PHACTR4: variants seen among roughly 807,000 people sequenced by gnomAD.
PHACTR4 encodes the protein protein phosphatase 1, regulatory subunit 124.
In PHACTR4, 51 loss-of-function variants were observed where a neutral mutation model predicts 72.7. That is an observed-to-expected ratio of 0.70 (90% CI 0.56 to 0.89). The LOEUF (loss-of-function observed/expected upper bound fraction) is 0.89, where lower values mean the gene tolerates loss of function less well. Ranked by LOEUF, PHACTR4 falls within the 40% of genes least tolerant of loss-of-function variation. The pLI is 0.00. For synonymous variants in PHACTR4, 255 were observed against 302.5 expected (o/e 0.84, Z 1.63); for missense variants, 731 against 861.8 (o/e 0.85, Z 1.90).
At chr1:28,394,275 G>T (rs1653301000) in intron 1 of PHACTR4, among the ~76,000 whole-genome samples, 1 of 150,402 alleles carries the variant, frequency 6.6e-6, no homozygotes, top group Admixed American at 6.7e-5. Context: ...AAAGAAAGAG[G>T]GACGGAGGGA....
chr1:28,402,152 AAACTT>A (rs1311667501), intron 1 of PHACTR4, among the ~76,000 whole-genome samples: 1 of 152,192 alleles, frequency 6.6e-6, no homozygotes, highest in Non-Finnish European at 1.5e-5. Context: ...AACAACTAGA[AAACTT>A]AAGCTGCCAT....
Position 28,496,731 on chromosome 1 carries a change from G to A in PHACTR4, c.*182G>A, listed in dbSNP as rs1458978340. The A allele has an allele frequency of 2.9e-6, 2 of 682,952 alleles. No homozygotes were observed. Among genetic ancestry groups the A allele is most frequent in the African/African-American group, 1.8e-5 (1 of 55,662 alleles). The allele number at this position is 682,952 out of a possible 1,614,324, so 42.3% of individuals were successfully genotyped here. ...AACAGAGTCTTATGTGCTGCACCGG[G>A]GGCAAAACAACACTTTGTCAGTGCT... On this transcript the variant is annotated 3_prime_UTR_variant, in exon 14 of 14. Transcript: ENST00000373839.
At chr1:28,459,395 CTTTTTTTTTTT>C (rs367934288) in intron 3 of PHACTR4, 137 bp downstream of exon 3, 2 of 280,804 alleles carry the variant, frequency 7.1e-6, no homozygotes, top group African/African-American at 6.3e-5. Flanking sequence ...TTTCCTTCTT[CTTTTTTTTTTT>C]TTTTTTTTTT....
At chr1:28,405,573 C>T (rs1463262795) in intron 1 of PHACTR4, among the ~76,000 whole-genome samples, 1 of 151,980 alleles carries the variant, frequency 6.6e-6, no homozygotes, top group African/African-American at 2.4e-5. Flanking sequence ...GTGATCCACC[C>T]ATCTCGACCT....
At position 28,439,244 on chromosome 1, in the gene PHACTR4, T is replaced by G. The variant is rs1385711149; in HGVS notation, c.17-19841T>G. Among the ~76,000 whole-genome samples the G allele has an allele frequency of 7.2e-5, 11 of 152,254 alleles. No homozygotes were observed. The East Asian group carries it at 1.7e-3, about 24-fold the overall frequency. On this transcript the variant is annotated intron_variant, in intron 2 of 13. Coordinates refer to ENST00000373839, the MANE Select transcript of PHACTR4 (RefSeq NM_001048183.3). Reference sequence around the variant, plus strand: ...TTTAAGAAAGATTTATACCTTCACTTTGATTTATGGAGCAGCAGAAAACAT... The same window carrying G: ...TTTAAGAAAGATTTATACCTTCACTGTGATTTATGGAGCAGCAGAAAACAT...
chr1:28,373,839 A>C (rs773809083), intron 1 of PHACTR4, among the ~76,000 whole-genome samples: 1 of 152,198 alleles, frequency 6.6e-6, no homozygotes, highest in Non-Finnish European at 1.5e-5. Flanking sequence ...TAGCCTCTAA[A>C]ATGTTGAAGT....
chr1:28,415,027 G>A (rs558743678), intron 2 of PHACTR4, among the ~76,000 whole-genome samples: 43 of 152,194 alleles, frequency 2.8e-4, no homozygotes, highest in African/African-American at 1.0e-3. Context: ...TTGGGAGGCC[G>A]AGGTGGACGG....
rs976070753 is a variant in PHACTR4, at chr1:28,496,628, C to G, written c.*79C>G. On this transcript the variant is annotated 3_prime_UTR_variant, in exon 14 of 14. Coordinates refer to ENST00000373839, the MANE Select transcript of PHACTR4 (RefSeq NM_001048183.3). Reference sequence around the variant, plus strand: ...AAGTGACATATGGAGGGAACTTTAGCACTTCCCAGCACAGCCAGAATTGCA... The same window carrying G: ...AAGTGACATATGGAGGGAACTTTAGGACTTCCCAGCACAGCCAGAATTGCA... 2.0e-6 allele frequency: 3 copies of G among 1,494,994 alleles called. No individual in the cohort carries two copies. The African/African-American group carries it at 4.1e-5, about 21-fold the overall frequency. The allele number at this position is 1,494,994 out of a possible 1,614,324, so 92.6% of individuals were successfully genotyped here.
In PHACTR4 at chr1:28,460,208, T is replaced by G; in HGVS notation, c.191-4T>G. On this transcript the variant is annotated splice_polypyrimidine_tract_variant and splice_region_variant and intron_variant, in intron 3 of 13. Transcript: ENST00000373839. Reference sequence around the variant, plus strand: ...CTGAGTGCCATTTTCCAATTTAATGTTAGTTTTAGAACGGAAAATATCTAT... The same window carrying G: ...CTGAGTGCCATTTTCCAATTTAATGGTAGTTTTAGAACGGAAAATATCTAT... The G allele has an allele frequency of 6.2e-7, 1 of 1,609,882 alleles. No homozygotes were observed. The highest frequency in any genetic ancestry group is 8.5e-7 in the Non-Finnish European group (1 of 1,176,906).
At chr1:28,395,818 A>ATTTTTTTTTTTTTTTTTTT (rs754161784) in intron 1 of PHACTR4, among the ~76,000 whole-genome samples, 2 of 75,002 alleles carry the variant, frequency 2.7e-5, no homozygotes, top group African/African-American at 1.6e-4. Context: ...CGCCTGGCTA[A>ATTTTTTTTTTTTTTTTTTT]TTTTTTTTTT....
In PHACTR4 at chr1:28,465,666, C is replaced by G. The variant is rs1659109644; in HGVS notation, c.272-19C>G. 6.2e-7 allele frequency: 1 copy of G among 1,605,278 alleles called. No individual in the cohort carries two copies. Among genetic ancestry groups the G allele is most frequent in the Non-Finnish European group, 8.5e-7 (1 of 1,177,338 alleles). On this transcript the variant is annotated intron_variant, in intron 4 of 13. Coordinates refer to ENST00000373839, the MANE Select transcript of PHACTR4 (RefSeq NM_001048183.3). ...TTCATGCCAACTTCATCACTTTGTACTCTTCTTTCACCTTGCAGGTGGTGA... is the reference window on the plus strand; with the variant it reads ...TTCATGCCAACTTCATCACTTTGTAGTCTTCTTTCACCTTGCAGGTGGTGA...
chr1:28,393,520 C>CA (rs1653224245), intron 1 of PHACTR4, among the ~76,000 whole-genome samples: 1 of 152,138 alleles, frequency 6.6e-6, no homozygotes, highest in Non-Finnish European at 1.5e-5. Flanking sequence ...ATGCATTACT[C>CA]ACGTTTGTGG....
At chr1:28,414,399 A>T (rs369434268) in intron 2 of PHACTR4, among the ~76,000 whole-genome samples, 22 of 65,986 alleles carry the variant, frequency 3.3e-4, no homozygotes, top group Admixed American at 5.8e-4. Context: ...TTTTATTTTT[A>T]TTTTTTGGGG....
rs543783137 is a variant in PHACTR4, at chr1:28,381,604, A to AT, written c.-39+11786dup. Among the ~76,000 whole-genome samples the AT allele has an allele frequency of 2.1e-3, 315 of 151,054 alleles. 10 individuals carry two copies. The South Asian group carries it at 0.059, about 28-fold the overall frequency. ...TGAGCCACTGCGCCTGGCCTGGCCT[A>AT]TTTTTTTACTTTTTAATACTAGTCA... On this transcript the variant is annotated intron_variant, in intron 1 of 13. Transcript: ENST00000373839.
chr1:28,383,257 G>A (rs1414727476), intron 1 of PHACTR4, among the ~76,000 whole-genome samples: 1 of 152,086 alleles, frequency 6.6e-6, no homozygotes, highest in Non-Finnish European at 1.5e-5. Context: ...ATTGGTTACT[G>A]TAGCCCTGTG....
At chr1:28,384,475 G>T (rs913180388) in intron 1 of PHACTR4, among the ~76,000 whole-genome samples, 1 of 152,120 alleles carries the variant, frequency 6.6e-6, no homozygotes, top group African/African-American at 2.4e-5. Context: ...TTATCAGATG[G>T]TTATTTGTAT....
intron 2 of PHACTR4, among the ~76,000 whole-genome samples, chr1:28,448,589 TAAAAAAAA>T (rs747826049): frequency 7.3e-5 from 7 of 95,824 alleles, no homozygotes; most frequent in African/African-American, 2.3e-4. Flanking sequence ...CATCTCTACT[TAAAAAAAA>T]AAAAAAAAAA....
intron 1 of PHACTR4, among the ~76,000 whole-genome samples, chr1:28,378,807 A>T (rs1417200660): frequency 1.3e-5 from 2 of 152,062 alleles, no homozygotes; most frequent in African/African-American, 4.8e-5. Flanking sequence ...GTAAACTTTG[A>T]AGAGGAATAT....
chr1:28,376,676 G>A (rs1224361966), intron 1 of PHACTR4, among the ~76,000 whole-genome samples: 3 of 149,842 alleles, frequency 2.0e-5, no homozygotes, highest in African/African-American at 4.9e-5. Context: ...TTGCTCTGTC[G>A]CCCAGGCTGG....
Sources: gnomAD v4.1 joint callset for allele counts (sites outside exome capture counted in the v4.1 genomes callset) on GRCh38, gnomAD v4.1.1 for gene constraint, MANE v1.5 for transcripts, NCBI Gene and HGNC (gene_info 2026-07-23, HGNC 2026-07-21) for gene names.